ARHGAP21: variants seen among roughly 807,000 people sequenced by gnomAD.
The protein encoded by ARHGAP21 is Rho GTPase activating protein 21, also known as rho GTPase-activating protein 21.
Under a neutral mutation model 164.6 loss-of-function variants are expected in ARHGAP21, and 38 were observed. The observed-to-expected ratio is 0.23, with a 90% CI of 0.18 to 0.30. The LOEUF (loss-of-function observed/expected upper bound fraction) is 0.30, where lower values mean the gene tolerates loss of function less well. ARHGAP21 is among the 10% of genes least tolerant of loss of function. The probability of loss-of-function intolerance (pLI) is 1.00; values close to 1 mark genes in which losing one functional copy is unlikely to be tolerated. For missense variants in ARHGAP21, 1,822 were observed against 2,370.7 expected (o/e 0.77, Z 4.81); for synonymous variants, 766 against 857.9 (o/e 0.89, Z 1.87).
intron 25 of ARHGAP21, 127 bp downstream of exon 25, chr10:24,589,144 T>G: frequency 1.2e-6 from 1 of 844,580 alleles, no homozygotes; most frequent in Non-Finnish European, 1.9e-6. Flanking sequence ...AGGAATTAAT[T>G]TTTTGATTAT....
intron 9 of ARHGAP21, among the ~76,000 whole-genome samples, chr10:24,616,570 G>A (rs1382286152): frequency 6.6e-6 from 1 of 152,212 alleles, no homozygotes. Flanking sequence ...CCTCAACTGA[G>A]CACACACGCA....
intron 4 of ARHGAP21, among the ~76,000 whole-genome samples, chr10:24,652,629 TAAA>T (rs1315027898): frequency 6.6e-6 from 1 of 152,058 alleles, no homozygotes; most frequent in Admixed American, 6.5e-5. Flanking sequence ...AAGTTAATAA[TAAA>T]AAAAGAACTG....
chr10:24,646,296 G>A (rs557301428), intron 4 of ARHGAP21, among the ~76,000 whole-genome samples: 33 of 152,160 alleles, frequency 2.2e-4, no homozygotes, highest in African/African-American at 7.5e-4. Context: ...CAACTAGGGG[G>A]TGTCTATGAT....
intron 4 of ARHGAP21, among the ~76,000 whole-genome samples, chr10:24,642,352 A>G (rs1363820627): frequency 6.6e-6 from 1 of 151,724 alleles, no homozygotes; most frequent in African/African-American, 2.4e-5. Flanking sequence ...CGTCTCTACT[A>G]AAAATACAAA....
intron 4 of ARHGAP21, among the ~76,000 whole-genome samples, chr10:24,650,907 T>A (rs1486064706): frequency 6.6e-6 from 1 of 151,628 alleles, no homozygotes; most frequent in Non-Finnish European, 1.5e-5. Context: ...TCCAAAGTAA[T>A]GGCTGAGAGA....
intron 25 of ARHGAP21, among the ~76,000 whole-genome samples, chr10:24,588,897 G>A (rs1335037377): frequency 6.6e-6 from 1 of 152,206 alleles, no homozygotes; most frequent in Non-Finnish European, 1.5e-5. Context: ...GAGGGAAGCA[G>A]GTGGCGTACA....
In ARHGAP21 at chr10:24,584,400, C is replaced by T. The variant is rs773758295; in HGVS notation, c.*12G>A. The T allele has an allele frequency of 6.3e-7, 1 of 1,580,152 alleles. No individual in the cohort carries two copies. The highest frequency in any genetic ancestry group is 1.2e-5 in the South Asian group (1 of 84,060). On this transcript the variant is annotated 3_prime_UTR_variant, in exon 26 of 26. Transcript: ENST00000396432. ...TAGTTTTTTTACTTGCTAGAGTGGA[C>T]ATACCCCCAGTTTAAAGACAGGGAT...
Position 24,619,810 on chromosome 10 carries a change from C to A in ARHGAP21, c.2085G>T (p.Gln695His), listed in dbSNP as rs1834363519. 1 of 1,614,024 alleles carries A rather than the reference C, an allele frequency of 6.2e-7. No homozygotes were observed. The highest frequency in any genetic ancestry group is 1.3e-5 in the African/African-American group (1 of 74,918). The stretch of plus-strand genomic sequence containing the variant: ...CTGAAGTACCAGCGTTTTCACTCGA[C>A]TGAGGGGCAGGCTTGGCAGAGGCTC... ...LSGASAKPAP[Q>H]SSENAGTSDL... Residue 695 changes from glutamine (Q) to histidine (H), a missense_variant, in exon 9 of 26, where the codon CAG becomes CAT. Coordinates refer to ENST00000396432, the MANE Select transcript of ARHGAP21 (RefSeq NM_020824.4).
intron 6 of ARHGAP21, among the ~76,000 whole-genome samples, chr10:24,632,773 G>T (rs1835965832): frequency 6.6e-6 from 1 of 152,198 alleles, no homozygotes; most frequent in Admixed American, 6.5e-5. Context: ...AGCCTTGACA[G>T]AAATTCAATA....
intron 6 of ARHGAP21, among the ~76,000 whole-genome samples, chr10:24,631,492 T>A (rs946775715): frequency 6.6e-5 from 10 of 152,188 alleles, no homozygotes; most frequent in African/African-American, 2.4e-4. Context: ...GTCAAGAGAT[T>A]AAGAAACAAT....
intron 6 of ARHGAP21, among the ~76,000 whole-genome samples, chr10:24,631,831 T>C (rs1400596418): frequency 6.6e-6 from 1 of 152,088 alleles, no homozygotes; most frequent in Non-Finnish European, 1.5e-5. Context: ...TGGACTCAGG[T>C]GATCCTCCCA....
Position 24,607,886 on chromosome 10 carries a change from T to C in ARHGAP21, c.2440A>G (p.Ser814Gly). ...IPFIDEPTSPSIDHDIAHIPA... is the reference protein window; with the variant it reads ...IPFIDEPTSPGIDHDIAHIPA... Reference sequence around the variant, plus strand: ...ATATGTGCAATATCATGATCAATGCTAGGGCTAGTTGGTTCATCTGTAAGA... The same window carrying C: ...ATATGTGCAATATCATGATCAATGCCAGGGCTAGTTGGTTCATCTGTAAGA... The change falls in exon 10 of 26, where the codon AGC (serine) becomes GGC (glycine). Residue 814 changes from serine (S) to glycine (G), a missense_variant. This residue lies in a region of ARHGAP21 where 1,090 missense variants were observed against 1,378.9 expected (regional missense o/e 0.79). Coordinates refer to ENST00000396432, the MANE Select transcript of ARHGAP21 (RefSeq NM_020824.4). The C allele has an allele frequency of 6.2e-7, 1 of 1,605,218 alleles. No individual in the cohort carries two copies. The highest frequency in any genetic ancestry group is 2.2e-5 in the East Asian group (1 of 44,806).
At chr10:24,625,906 G>A (rs992304844) in intron 7 of ARHGAP21, among the ~76,000 whole-genome samples, 14 of 152,196 alleles carry the variant, frequency 9.2e-5, no homozygotes, top group African/African-American at 2.9e-4. Flanking sequence ...CTGGCAGGGT[G>A]ACTTATGGTA....
intron 24 of ARHGAP21, chr10:24,590,393 C>T: frequency 6.5e-7 from 1 of 1,535,386 alleles, no homozygotes. Context: ...CAACAGTCCT[C>T]CTTCTTCCTA....
At chr10:24,607,432 A>G (rs1331239502) in intron 11 of ARHGAP21, 67 bp downstream of exon 11, 6 of 1,299,344 alleles carry the variant, frequency 4.6e-6, no homozygotes, top group South Asian at 2.6e-5. Flanking sequence ...TTCTGAACTT[A>G]TGTGTCAAGG....
At chr10:24,713,494 C>A (rs1845052107) in intron 2 of ARHGAP21, among the ~76,000 whole-genome samples, 1 of 152,162 alleles carries the variant, frequency 6.6e-6, no homozygotes, top group Admixed American at 6.5e-5. Context: ...TACCCCGAAA[C>A]AGATGAATAG....
chr10:24,633,022 C>A (rs185848299), intron 6 of ARHGAP21, among the ~76,000 whole-genome samples: 17 of 152,110 alleles, frequency 1.1e-4, no homozygotes, highest in Middle Eastern at 3.4e-3. Flanking sequence ...GAAGATTATT[C>A]AAAAAGATAC....
At position 24,620,360 on chromosome 10, in the gene ARHGAP21, C is replaced by G; in HGVS notation, c.1535G>C (p.Gly512Ala). The change falls in exon 9 of 26, where the codon GGA becomes GCA. Residue 512 changes from glycine (G) to alanine (A), a missense_variant. Around this residue, in one of 5 missense-constraint regions of ARHGAP21, gnomAD observed 1,090 missense variants for 1,378.9 expected, o/e 0.79. Coordinates refer to ENST00000396432, the MANE Select transcript of ARHGAP21 (RefSeq NM_020824.4). ...QDETLENVNS[G>A]TPIPDSNGEK... is the part of the protein sequence containing the mutation. Reference sequence around the variant, plus strand: ...TCCATTGGAATCAGGTATTGGAGTTCCAGAATTGACATTTTCTAAGGTTTC... The same window carrying G: ...TCCATTGGAATCAGGTATTGGAGTTGCAGAATTGACATTTTCTAAGGTTTC... The G allele has an allele frequency of 6.2e-7, 1 of 1,613,672 alleles. No homozygotes were observed. Among genetic ancestry groups the G allele is most frequent in the Non-Finnish European group, 8.5e-7 (1 of 1,179,808 alleles).
intron 2 of ARHGAP21, among the ~76,000 whole-genome samples, chr10:24,698,738 T>C (rs186756596): frequency 1.2e-4 from 18 of 152,320 alleles, no homozygotes; most frequent in African/African-American, 3.8e-4. Flanking sequence ...TAACCATCAA[T>C]GTGAACTAAA....
Sources: allele counts gnomAD v4.1 joint callset (sites outside exome capture counted in the v4.1 genomes callset), GRCh38; gene constraint gnomAD v4.1.1; regional missense constraint gnomAD v4.1.1; transcripts MANE v1.5; gene names NCBI Gene and HGNC (gene_info 2026-07-23, HGNC 2026-07-21).